Variants in NCOR1 observed in about 807,000 individuals in gnomAD.
NCOR1 encodes the protein protein phosphatase 1, regulatory subunit 109.
Under a neutral mutation model 288.1 loss-of-function variants are expected in NCOR1, and 63 were observed. That is an observed-to-expected ratio of 0.22 (90% confidence interval 0.18 to 0.27). The LOEUF (loss-of-function observed/expected upper bound fraction) is 0.27. Ranked by LOEUF, NCOR1 falls within the 10% of genes least tolerant of loss-of-function variation. The pLI, the probability that NCOR1 is intolerant of heterozygous loss-of-function variation, is 1.00. For synonymous variants in NCOR1, 1,007 were observed against 1,065.9 expected, an observed-to-expected ratio of 0.94 and a Z score of 1.08; for missense variants, 2,397 against 3,019.2, an observed-to-expected ratio of 0.79 and a Z score of 4.83.
Position 16,032,468 on chromosome 17 carries a change from G to A in NCOR1, c.7151C>T (p.Pro2384Leu). ...RPSSTGSTQF[P>L]YNPLTMRMLS... ...CATCCGCATAGTCAGAGGGTTATAAGGAAACTGAGTTGAGCCTGACAAAAG... is the reference window on the plus strand; with the variant it reads ...CATCCGCATAGTCAGAGGGTTATAAAGAAACTGAGTTGAGCCTGACAAAAG... The change falls in exon 46 of 46, where the codon CCT becomes CTT. Residue 2384 changes from proline to leucine, a missense_variant. Physicochemically the swap from Pro to Leu is moderately conservative, Grantham distance 98. Around this residue, in one of 11 missense-constraint regions of NCOR1, gnomAD observed 1,872 missense variants for 2,187.8 expected, o/e 0.86. Coordinates refer to ENST00000268712, the MANE Select transcript of NCOR1 (RefSeq NM_006311.4). The A allele has an allele frequency of 6.3e-7, 1 of 1,592,868 alleles. No homozygotes were observed. Among genetic ancestry groups the A allele is most frequent in the Non-Finnish European group, 8.5e-7 (1 of 1,171,676 alleles).
intron 22 of NCOR1, chr17:16,087,085 A>G: frequency 1.0e-6 from 1 of 952,984 alleles, no homozygotes. Context: ...GTCCTGGAAG[A>G]GCAGTTCATT....
At chr17:16,067,543 T>G (rs1485328094) in intron 32 of NCOR1, among the ~76,000 whole-genome samples, 1 of 152,194 alleles carries the variant, frequency 6.6e-6, no homozygotes, top group Non-Finnish European at 1.5e-5. Flanking sequence ...TAGATCAGAG[T>G]TCTGGTAAAT....
At chr17:16,038,241 T>C (rs1402308926) in intron 44 of NCOR1, among the ~76,000 whole-genome samples, 3 of 152,216 alleles carry the variant, frequency 2.0e-5, no homozygotes, top group Non-Finnish European at 2.9e-5. Context: ...AGAAAAAGGT[T>C]GTAAGATTAA....
chr17:16,073,423 C>T lies in NCOR1; in HGVS notation c.3811+6G>A. The stretch of plus-strand genomic sequence containing the variant: ...TCAAAATAACATTCTGAAAACAATG[C>T]TTTACCCTCTAACGGTGCTGATACA... On this transcript the variant is annotated splice_donor_region_variant and intron_variant, in intron 28 of 45. Transcript: ENST00000268712. The T allele has an allele frequency of 1.3e-6, 2 of 1,576,134 alleles. No individual in the cohort carries two copies. Among genetic ancestry groups the T allele is most frequent in the South Asian group, 1.2e-5 (1 of 83,506 alleles).
intron 2 of NCOR1, among the ~76,000 whole-genome samples, chr17:16,189,417 A>G (rs975928374): frequency 6.6e-6 from 1 of 152,182 alleles, no homozygotes; most frequent in Non-Finnish European, 1.5e-5. Context: ...AAAATTTATT[A>G]AAGAATCAAA....
intron 2 of NCOR1, among the ~76,000 whole-genome samples, chr17:16,192,307 A>G (rs1405625423): frequency 6.6e-6 from 1 of 151,046 alleles, no homozygotes; most frequent in East Asian, 1.9e-4. Context: ...TGAGGCCAGG[A>G]GTTCGAGACC....
intron 19 of NCOR1, among the ~76,000 whole-genome samples, chr17:16,106,854 C>CAT (rs1162344281): frequency 0.018 from 815 of 46,128 alleles, 7 homozygotes; most frequent in South Asian, 0.028. Context: ...CTTGATCAGA[C>CAT]ATATATATAT....
chr17:16,215,501 T>C lies in NCOR1; in HGVS notation c.-210A>G, dbSNP rs1413073305. On this transcript the variant is annotated 5_prime_UTR_variant, in exon 1 of 46. Transcript: ENST00000268712. ...CTCCAGCCGCCGCCGCCGCCGCGGC[T>C]GCTGCTTCGCCACCTTGGCCGCCAT... 1 of 398,694 alleles carries C rather than the reference T, an allele frequency of 2.5e-6. No individual in the cohort carries two copies. Among genetic ancestry groups the C allele is most frequent in the East Asian group, 3.6e-5 (1 of 28,074 alleles). The allele number at this position is 398,694 out of a possible 1,614,324, so 24.7% of individuals were successfully genotyped here.
At chr17:16,095,573 T>A (rs1284740985) in intron 21 of NCOR1, among the ~76,000 whole-genome samples, 1 of 108,600 alleles carries the variant, frequency 9.2e-6, no homozygotes, top group Non-Finnish European at 1.8e-5. Flanking sequence ...AGCCGCCCCG[T>A]ACAGGAGGTG....
At chr17:16,087,911 A>G (rs2064502901) in intron 22 of NCOR1, among the ~76,000 whole-genome samples, 1 of 152,196 alleles carries the variant, frequency 6.6e-6, no homozygotes, top group South Asian at 2.1e-4. Flanking sequence ...CATAAAGCAT[A>G]AAGAAACTTT....
intron 14 of NCOR1, among the ~76,000 whole-genome samples, chr17:16,127,589 ATATG>A (rs1331429036): frequency 8.3e-5 from 12 of 144,946 alleles, no homozygotes; most frequent in South Asian, 4.4e-4. Context: ...ATATGTGTAT[ATATG>A]TATGTATACA....
chr17:16,071,277 A>T (rs1048092592), intron 30 of NCOR1, 132 bp downstream of exon 30: 121 of 1,240,508 alleles, frequency 9.8e-5, no homozygotes, highest in Middle Eastern at 2.3e-4. Context: ...AAAAAAAAAA[A>T]GGTACAGGAA....
chr17:16,086,751 ACT>A (rs1323868286), intron 22 of NCOR1, among the ~76,000 whole-genome samples: 1 of 152,106 alleles, frequency 6.6e-6, no homozygotes, highest in East Asian at 1.9e-4. Context: ...CTCGCCAATC[ACT>A]CTTAGGGTAC....
chr17:16,077,446 A>AG (rs2062642282), intron 26 of NCOR1, among the ~76,000 whole-genome samples: 1 of 129,500 alleles, frequency 7.7e-6, no homozygotes, highest in Admixed American at 7.9e-5. Context: ...AGGTAAGGAA[A>AG]GGGAAGGAGA....
At chr17:16,165,631 C>G (rs1013523535) in intron 4 of NCOR1, among the ~76,000 whole-genome samples, 3 of 152,166 alleles carry the variant, frequency 2.0e-5, no homozygotes, top group African/African-American at 7.2e-5. Flanking sequence ...TTTAGGCTTT[C>G]CAAACCAAAA....
Position 16,065,670 on chromosome 17 carries a change from C to T in NCOR1, c.4766G>A (p.Arg1589Lys). The change falls in exon 33 of 46, where the codon AGA becomes AAA. Residue 1589 changes from arginine to lysine, a missense_variant. By Grantham distance (26) the Arg-to-Lys change is conservative. Coordinates refer to ENST00000268712, the MANE Select transcript of NCOR1 (RefSeq NM_006311.4). ...DPAAAAYLFQ[R>K]QLSPTPGYPS... is the part of the protein sequence containing the mutation. ...GTAACCTGGAGTTGGTGAAAGCTGT[C>T]TCTGAAACAGGTAAGCAGCCGCTGC... is the stretch of plus-strand genomic sequence containing the variant. The T allele has an allele frequency of 6.2e-7, 1 of 1,614,188 alleles. No homozygotes were observed. The highest frequency in any genetic ancestry group is 1.1e-5 in the South Asian group (1 of 91,062).
chr17:16,057,979 A>G lies in NCOR1; in HGVS notation c.6096T>C (p.Pro2032=). 1 of 1,614,162 alleles carries G rather than the reference A, an allele frequency of 6.2e-7. No homozygotes were observed. Among genetic ancestry groups the G allele is most frequent in the Non-Finnish European group, 8.5e-7 (1 of 1,180,002 alleles). The change falls in exon 39 of 46, where the codon CCT becomes CCC. Residue 2032 remains proline, a synonymous_variant. Coordinates refer to ENST00000268712, the MANE Select transcript of NCOR1 (RefSeq NM_006311.4). ...GCCCCATTCCCTCTGCCTGTGAAGA[A>G]GGGGGCAGCTGTTGTTGGGGAGATG... is the stretch of plus-strand genomic sequence containing the variant. ...ESPSPQQQLP[P]SSQAEGMGQV...
chr17:16,211,676 T>C (rs912645685), intron 1 of NCOR1, among the ~76,000 whole-genome samples: 1 of 150,940 alleles, frequency 6.6e-6, no homozygotes, highest in South Asian at 2.1e-4. Flanking sequence ...GACTTTCAAA[T>C]GCAAAGAAAA....
At chr17:16,110,903 C>T (rs567006925) in intron 18 of NCOR1, among the ~76,000 whole-genome samples, 1 of 152,226 alleles carries the variant, frequency 6.6e-6, no homozygotes, top group African/African-American at 2.4e-5. Flanking sequence ...CAGAGACACA[C>T]TGGCTACACT....
Sources: gnomAD v4.1 joint callset for allele counts (sites outside exome capture counted in the v4.1 genomes callset) on GRCh38, gnomAD v4.1.1 for gene constraint, gnomAD v4.1.1 regional missense constraint, MANE v1.5 for transcripts, NCBI Gene and HGNC (gene_info 2026-07-23, HGNC 2026-07-21) for gene names.